Variants in SERPINI2 observed in about 807,000 individuals in gnomAD.
SERPINI2 encodes serpin family I member 2, also known as serpin I2.
SERPINI2 carries 48 observed loss-of-function variants against 47.3 expected under a neutral mutation model. The ratio of observed to expected loss-of-function variants is 1.02; its 90% CI spans 0.81 to 1.29. The LOEUF (loss-of-function observed/expected upper bound fraction) is 1.29. Among genes scored for constraint, SERPINI2 ranks in the 50% most tolerant of loss-of-function variants. SERPINI2 has a pLI of 0.00. For missense variants in SERPINI2, 448 were observed against 456.9 expected (o/e 0.98, Z 0.18); for synonymous variants, 135 against 149.3 (o/e 0.90, Z 0.70).
rs570643468 is a variant in SERPINI2, at chr3:167,458,514, G to T, written c.867-5481C>A. 2.6e-5 allele frequency among the ~76,000 whole-genome samples: 4 copies of T among 151,136 alleles called. No individual in the cohort carries two copies. The South Asian group carries it at 8.4e-4, about 32-fold the overall frequency. On this transcript the variant is annotated intron_variant, in intron 5 of 8. Coordinates refer to ENST00000264677, the Ensembl canonical transcript of SERPINI2. ...CCTGACCTCGTGATCTGCCCACCTC[G>T]GCCTCCTAAAGTGCCGGGTCTACAG...
chr3:167,472,267 A>C (rs937466148), intron 1 of SERPINI2, among the ~76,000 whole-genome samples: 2 of 152,068 alleles, frequency 1.3e-5, no homozygotes, highest in Non-Finnish European at 2.9e-5. Flanking sequence ...GAAATGGAAT[A>C]AAAACAGACT....
chr3:167,445,187 T>C (rs1387100312), intron 8 of SERPINI2, among the ~76,000 whole-genome samples: 1 of 152,184 alleles, frequency 6.6e-6, no homozygotes, highest in Non-Finnish European at 1.5e-5. Context: ...ATTAGTTTCA[T>C]GGAGCCAAAA....
chr3:167,461,867 G>T (rs1157586627), intron 5 of SERPINI2, among the ~76,000 whole-genome samples: 1 of 151,652 alleles, frequency 6.6e-6, no homozygotes, highest in Admixed American at 6.6e-5. Context: ...AGATCCTCCT[G>T]CCTTGGCCCC....
upstream of SERPINI2, chr3:167,474,183 CGGG>C: frequency 3.2e-6 from 3 of 947,698 alleles, no homozygotes; most frequent in South Asian, 1.5e-4. Flanking sequence ...CTAACACAAT[CGGG>C]TTAATGATCA....
At position 167,453,052 on chromosome 3, in the gene SERPINI2, GAAAA is replaced by G. The variant is rs779585109; in HGVS notation, c.867-23_867-20del. On this transcript the variant is annotated intron_variant, in intron 5 of 8. Transcript: ENST00000264677. ...TTTAAATCTGTTATTAAAAAAAAAA[GAAAA>G]AGAAAAGTCTTGAAACACTGCACAT... The G allele has an allele frequency of 1.5e-6, 2 of 1,370,694 alleles. No homozygotes were observed. The highest frequency in any genetic ancestry group is 1.3e-5 in the South Asian group (1 of 75,472). 84.9% of individuals were successfully genotyped at this position (1,370,694 alleles called of 1,614,324 possible). A position where few individuals can be genotyped will look rare whatever the true frequency, so the allele number is the denominator to read the frequency against.
At chr3:167,462,261 T>C (rs1750003632) in intron 5 of SERPINI2, among the ~76,000 whole-genome samples, 1 of 152,236 alleles carries the variant, frequency 6.6e-6, no homozygotes, top group Non-Finnish European at 1.5e-5. Flanking sequence ...GTTCTTGTAT[T>C]AGTTTGCTAG....
intron 8 of SERPINI2, among the ~76,000 whole-genome samples, chr3:167,442,931 C>T (rs36017692): frequency 0.12 from 18,611 of 151,960 alleles, 1,240 homozygotes; most frequent in African/African-American, 0.19. Flanking sequence ...ATTTCAAAGG[C>T]GACAAATTTT....
chr3:167,458,827 T>G (rs1173023667), intron 5 of SERPINI2, among the ~76,000 whole-genome samples: 15 of 152,328 alleles, frequency 9.8e-5, no homozygotes, highest in East Asian at 1.9e-4. Flanking sequence ...GCCTCAGTTT[T>G]CTTATCTGTG....
intron 6 of SERPINI2, among the ~76,000 whole-genome samples, chr3:167,451,086 TTAA>T (rs1362591000): frequency 6.6e-6 from 1 of 152,230 alleles, no homozygotes; most frequent in Non-Finnish European, 1.5e-5. Context: ...GCAAGTAATA[TTAA>T]TGTGATACTT....
chr3:167,470,723 T>G (rs1750290994), intron 2 of SERPINI2, among the ~76,000 whole-genome samples: 1 of 151,726 alleles, frequency 6.6e-6, no homozygotes, highest in African/African-American at 2.4e-5. Flanking sequence ...CACCATGCCT[T>G]GCAAATTTTT....
At chr3:167,444,130 A>T (rs1577165574) in intron 8 of SERPINI2, among the ~76,000 whole-genome samples, 1 of 152,166 alleles carries the variant, frequency 6.6e-6, no homozygotes, top group South Asian at 2.1e-4. Context: ...AAACACAATA[A>T]CTTTCATTAT....
intron 5 of SERPINI2, among the ~76,000 whole-genome samples, chr3:167,463,942 T>C (rs975698499): frequency 2.0e-5 from 3 of 151,716 alleles, no homozygotes; most frequent in Non-Finnish European, 2.9e-5. Flanking sequence ...AGGTGACTCC[T>C]TTCCAGGTTT....
chr3:167,444,375 A>C (rs1166781870), intron 8 of SERPINI2, among the ~76,000 whole-genome samples: 1 of 152,210 alleles, frequency 6.6e-6, no homozygotes, highest in Non-Finnish European at 1.5e-5. Flanking sequence ...GATTTTGCAC[A>C]AAAGGACTGT....
chr3:167,458,278 T>TCTCA (rs1749863382), intron 5 of SERPINI2, among the ~76,000 whole-genome samples: 1 of 136,200 alleles, frequency 7.3e-6, no homozygotes, highest in Non-Finnish European at 1.5e-5. Context: ...TGAGACGGAG[T>TCTCA]CTCACTCTGT....
chr3:167,442,105 T>C (rs1251910301), exon 9 of SERPINI2: 28 of 1,590,492 alleles, frequency 1.8e-5, no homozygotes, highest in Non-Finnish European at 2.4e-5. Context: ...GCTGTGCTTT[T>C]CATTCACAGT....
intron 5 of SERPINI2, among the ~76,000 whole-genome samples, chr3:167,460,702 A>G (rs1483957186): frequency 2.0e-5 from 3 of 152,198 alleles, no homozygotes; most frequent in Admixed American, 1.3e-4. Context: ...TGCTATATGT[A>G]TGGAAAGGTG....
intron 2 of SERPINI2, among the ~76,000 whole-genome samples, chr3:167,468,224 T>C (rs995698889): frequency 2.0e-5 from 3 of 152,176 alleles, no homozygotes; most frequent in African/African-American, 7.2e-5. Context: ...AACCTAAAAT[T>C]GATATATTCA....
At chr3:167,442,162 C>T in exon 9 of SERPINI2, 1 of 1,598,666 alleles carries the variant, frequency 6.3e-7, no homozygotes, top group Non-Finnish European at 8.5e-7. Context: ...GGATTTGTCA[C>T]TCTTCCCATA....
upstream of SERPINI2, among the ~76,000 whole-genome samples, chr3:167,476,823 A>C (rs920928397): frequency 6.6e-6 from 1 of 152,018 alleles, no homozygotes; most frequent in African/African-American, 2.4e-5. Context: ...CATGCCTTCA[A>C]TACTTACATG....
Sources: gnomAD v4.1 joint callset for allele counts (sites outside exome capture counted in the v4.1 genomes callset) on GRCh38, gnomAD v4.1.1 for gene constraint, MANE v1.5 for transcripts, NCBI Gene and HGNC (gene_info 2026-07-23, HGNC 2026-07-21) for gene names.